ALG10: variants seen among roughly 807,000 people sequenced by gnomAD.
The protein encoded by ALG10 is dol-P-Glc:Glc(2)Man(9)GlcNAc(2)-PP-Dol alpha-1,2-glucosyltransferase A.
A neutral mutation model predicts 39.2 loss-of-function variants in ALG10; 25 were observed. That is an observed-to-expected ratio of 0.64 (90% CI 0.46 to 0.89). The LOEUF is 0.89. ALG10 is among the 40% of genes least tolerant of loss of function. The pLI, the probability that ALG10 is intolerant of heterozygous loss-of-function variation, is 0.00. For synonymous variants in ALG10, 184 were observed against 193.9 expected, an observed-to-expected ratio of 0.95 and a Z score of 0.42; for missense variants, 486 against 546.6, an observed-to-expected ratio of 0.89 and a Z score of 1.11.
rs144561704 is a variant in ALG10, at chr12:34,025,378, A to G, written c.370-485A>G. On this transcript the variant is annotated intron_variant, in intron 2 of 2. Transcript: ENST00000266483. ...TCATCTTGAAAAAGTAAGTCTGGGT[A>G]TGGTAGTATACCATATGCATGTTTA... 6.4e-3 allele frequency among the ~76,000 whole-genome samples: 978 copies of G among 152,312 alleles called. 9 individuals carry two copies. Among genetic ancestry groups the G allele is most frequent in the African/African-American group, 0.022 (919 of 41,574 alleles).
rs1942788339 is a variant in ALG10 at position 34,022,548 on chromosome 12, G to A, written c.-52G>A. Reference sequence around the variant, plus strand: ...CCCAAGTTTCCAGCTCGGGTTTCCAGGCTCAGAATTTTCCAGGAGTAGGTT... The same window carrying A: ...CCCAAGTTTCCAGCTCGGGTTTCCAAGCTCAGAATTTTCCAGGAGTAGGTT... On this transcript the variant is annotated 5_prime_UTR_variant, in exon 1 of 3. Transcript: ENST00000266483. 6.2e-7 allele frequency: 1 copy of A among 1,613,574 alleles called. No homozygotes were observed. Among genetic ancestry groups the A allele is most frequent in the Non-Finnish European group, 8.5e-7 (1 of 1,179,806 alleles).
At position 34,024,277 on chromosome 12, in the gene ALG10, G is replaced by A. The variant is rs545028436; in HGVS notation, c.369+118G>A. ...TAACACTTTGTAACTTTGTATTTTT[G>A]TATATTATGTAAAGGTAAATTTAAA... On this transcript the variant is annotated intron_variant, in intron 2 of 2. Coordinates refer to ENST00000266483, the MANE Select transcript of ALG10 (RefSeq NM_032834.4). 11 of 1,218,386 alleles carry A rather than the reference G, an allele frequency of 9.0e-6. No individual in the cohort carries two copies. In the East Asian group the frequency reaches 2.7e-4, roughly 30 times the overall value. 75.5% of individuals were successfully genotyped at this position (1,218,386 alleles called of 1,614,324 possible). A position where few individuals can be genotyped will look rare whatever the true frequency, so the allele number is the denominator to read the frequency against.
chr12:34,025,649 A>G (rs536508192), intron 2 of ALG10, among the ~76,000 whole-genome samples: 1 of 152,324 alleles, frequency 6.6e-6, no homozygotes, highest in East Asian at 1.9e-4. Flanking sequence ...CATGGTCTCC[A>G]AACTGATAGG....
In ALG10 at chr12:34,022,523, C is replaced by T. The variant is rs898469668; in HGVS notation, c.-77C>T. On this transcript the variant is annotated 5_prime_UTR_variant, in exon 1 of 3. Coordinates refer to ENST00000266483, the MANE Select transcript of ALG10 (RefSeq NM_032834.4). Reference sequence around the variant, plus strand: ...TCCCGCCTAGCGCGCCCATTTCGAGCCCAAGTTTCCAGCTCGGGTTTCCAG... The same window carrying T: ...TCCCGCCTAGCGCGCCCATTTCGAGTCCAAGTTTCCAGCTCGGGTTTCCAG... 100 of 1,611,944 alleles carry T rather than the reference C, an allele frequency of 6.2e-5. No homozygotes were observed. Among genetic ancestry groups the T allele is most frequent in the Non-Finnish European group, 8.3e-5 (98 of 1,179,062 alleles).
intron 1 of ALG10, 97 bp downstream of exon 1, chr12:34,022,867 C>T (rs1032050788): frequency 1.3e-6 from 2 of 1,533,796 alleles, no homozygotes; most frequent in African/African-American, 1.4e-5. Context: ...CCTGTTCCAC[C>T]CCCTCAAGCC....
chr12:34,026,945 G>A lies in ALG10; in HGVS notation c.*30G>A. On this transcript the variant is annotated 3_prime_UTR_variant, in exon 3 of 3. Coordinates refer to ENST00000266483, the MANE Select transcript of ALG10 (RefSeq NM_032834.4). ...AGTGATATTTCGAACTGTGAAAATG[G>A]ACTTAATAATTAGACCATTTCTACA... The A allele has an allele frequency of 6.2e-7, 1 of 1,604,882 alleles. No individual in the cohort carries two copies. The highest frequency in any genetic ancestry group is 1.1e-5 in the South Asian group (1 of 89,630).
In ALG10 at chr12:34,027,890, T is replaced by G. The variant is rs1450769939; in HGVS notation, c.*975T>G. The G allele has an allele frequency of 6.6e-6, 1 of 152,214 alleles. No homozygotes were observed. Among genetic ancestry groups the G allele is most frequent in the Non-Finnish European group, 1.5e-5 (1 of 68,044 alleles). 9.4% of individuals were successfully genotyped at this position (152,214 alleles called of 1,614,324 possible). On this transcript the variant is annotated 3_prime_UTR_variant, in exon 3 of 3. Transcript: ENST00000266483. Reference sequence around the variant, plus strand: ...TTCTGGACAAATCTTGTCCAAGTATTGCAGACAGCAATCTTCACTCCAGTC... The same window carrying G: ...TTCTGGACAAATCTTGTCCAAGTATGGCAGACAGCAATCTTCACTCCAGTC...
rs1208746091 is a variant in ALG10 at position 34,024,119 on chromosome 12, T to A, written c.329T>A (p.Leu110Ter). Residue 110 changes from leucine (L) to a stop codon, truncating the protein, a stop_gained, in exon 2 of 3, where the codon TTA becomes TAA. Coordinates refer to ENST00000266483, the MANE Select transcript of ALG10 (RefSeq NM_032834.4). LOFTEE classifies it high-confidence loss of function. Reference sequence around the variant, plus strand: ...CTCTTCAGTGTTGGCAACTTCTATTTACTATATTTGCTTTTCTGCAAGGTA... The same window carrying A: ...CTCTTCAGTGTTGGCAACTTCTATTAACTATATTTGCTTTTCTGCAAGGTA... ...NLLFSVGNFY[L>*]LYLLFCKVQP... 2 of 1,614,062 alleles carry A rather than the reference T, an allele frequency of 1.2e-6. No individual in the cohort carries two copies.
rs73090018 is a variant in ALG10 at position 34,023,088 on chromosome 12, T to C, written c.171+318T>C. 3,114 of 316,996 alleles carry C rather than the reference T, an allele frequency of 9.8e-3. 80 individuals are homozygous for C. Among genetic ancestry groups the C allele is most frequent in the African/African-American group, 0.051 (2,411 of 46,828 alleles). The allele number at this position is 316,996 out of a possible 1,614,324, so 19.6% of individuals were successfully genotyped here. On this transcript the variant is annotated intron_variant, in intron 1 of 2. Transcript: ENST00000266483. ...TGTTTTAGGATTAAAGGCATTCGGG[T>C]GCTCCTTGGAAATACCAGAAAACTT... is the stretch of plus-strand genomic sequence containing the variant.
intron 2 of ALG10, 64 bp from the exon 3 acceptor site, chr12:34,025,799 G>A (rs1191623287): frequency 1.0e-5 from 16 of 1,538,358 alleles, no homozygotes; most frequent in South Asian, 1.1e-5. Flanking sequence ...TTCTTCATTA[G>A]GTAAGCAGAA....
In ALG10 at chr12:34,027,723, A is replaced by G. The variant is rs1321113144; in HGVS notation, c.*808A>G. On this transcript the variant is annotated 3_prime_UTR_variant, in exon 3 of 3. Coordinates refer to ENST00000266483, the MANE Select transcript of ALG10 (RefSeq NM_032834.4). ...GGGTGCTTACAACAATTTTCCTCACAGTCTGGAGGCCAGAAGTCTAAAATC... is the reference window on the plus strand; with the variant it reads ...GGGTGCTTACAACAATTTTCCTCACGGTCTGGAGGCCAGAAGTCTAAAATC... 2 of 152,176 alleles carry G rather than the reference A, an allele frequency of 1.3e-5. No homozygotes were observed. The highest frequency in any genetic ancestry group is 2.9e-5 in the Non-Finnish European group (2 of 68,016). The allele number at this position is 152,176 out of a possible 1,614,324, so 9.4% of individuals were successfully genotyped here.
At position 34,024,023 on chromosome 12, in the gene ALG10, C is replaced by G. The variant is rs780921359; in HGVS notation, c.233C>G (p.Pro78Arg). 1.9e-6 allele frequency: 3 copies of G among 1,614,148 alleles called. No individual in the cohort carries two copies. The South Asian group carries it at 3.3e-5, about 18-fold the overall frequency. Residue 78 changes from proline (P) to arginine (R), a missense_variant, in exon 2 of 3, where the codon CCT becomes CGT. Pro to Arg is a moderately radical substitution (Grantham distance 103). Coordinates refer to ENST00000266483, the MANE Select transcript of ALG10 (RefSeq NM_032834.4). ...CTGGTGTCAATTGGAGTGATCAAAC[C>G]TGCCATTTGGATCTTTGGATGGTCT... ...LYLVSIGVIK[P>R]AIWIFGWSEH...
In ALG10 at chr12:34,024,011, G is replaced by C. The variant is rs753988338; in HGVS notation, c.221G>C (p.Gly74Ala). 1 of 1,614,104 alleles carries C rather than the reference G, an allele frequency of 6.2e-7. No individual in the cohort carries two copies. The highest frequency in any genetic ancestry group is 8.5e-7 in the Non-Finnish European group (1 of 1,180,016). Residue 74 changes from glycine (G) to alanine (A), a missense_variant, in exon 2 of 3, where the codon GGA becomes GCA. By Grantham distance (60) the Gly-to-Ala change is moderately conservative. Coordinates refer to ENST00000266483, the MANE Select transcript of ALG10 (RefSeq NM_032834.4). Reference protein sequence around the residue: ...TLPGLYLVSIGVIKPAIWIFG... With the variant: ...TLPGLYLVSIAVIKPAIWIFG... ...CCTGGCTTGTACCTGGTGTCAATTG[G>C]AGTGATCAAACCTGCCATTTGGATC...
chr12:34,023,665 A>G (rs573907086), intron 1 of ALG10: 2 of 406,780 alleles, frequency 4.9e-6, no homozygotes, highest in Non-Finnish European at 9.2e-6. Flanking sequence ...AAACTGGAAC[A>G]TTTGCAGTTT....
In ALG10 at chr12:34,024,165, T is replaced by C. The variant is rs1223470257; in HGVS notation, c.369+6T>C. On this transcript the variant is annotated splice_donor_region_variant and intron_variant, in intron 2 of 2. Coordinates refer to ENST00000266483, the MANE Select transcript of ALG10 (RefSeq NM_032834.4). ...AGGTACAACCCAGAAACAAGGTATG[T>C]TTCAAAATACTTAATTACAAGTTTA... 1 of 1,613,586 alleles carries C rather than the reference T, an allele frequency of 6.2e-7. No homozygotes were observed. The highest frequency in any genetic ancestry group is 8.5e-7 in the Non-Finnish European group (1 of 1,179,668).
chr12:34,024,033 G>T lies in ALG10; in HGVS notation c.243G>T (p.Trp81Cys). 6.2e-7 allele frequency: 1 copy of T among 1,614,134 alleles called. No individual in the cohort carries two copies. The highest frequency in any genetic ancestry group is 1.3e-5 in the African/African-American group (1 of 75,042). The change falls in exon 2 of 3, where the codon TGG becomes TGT. Residue 81 changes from tryptophan (W) to cysteine (C), a missense_variant. Coordinates refer to ENST00000266483, the MANE Select transcript of ALG10 (RefSeq NM_032834.4). ...VSIGVIKPAI[W>C]IFGWSEHVVC... ...TTGGAGTGATCAAACCTGCCATTTG[G>T]ATCTTTGGATGGTCTGAACATGTTG...
upstream of ALG10, chr12:34,022,432 C>A (rs1407866974): frequency 9.2e-7 from 1 of 1,087,518 alleles, no homozygotes; most frequent in Non-Finnish European, 1.4e-6. Flanking sequence ...AACAGCGACC[C>A]GATCTTTCCG....
chr12:34,022,525 C>G lies in ALG10; in HGVS notation c.-75C>G, dbSNP rs144920895. 11 of 1,612,502 alleles carry G rather than the reference C, an allele frequency of 6.8e-6. No homozygotes were observed. The highest frequency in any genetic ancestry group is 9.3e-6 in the Non-Finnish European group (11 of 1,179,342). On this transcript the variant is annotated 5_prime_UTR_variant, in exon 1 of 3. Coordinates refer to ENST00000266483, the MANE Select transcript of ALG10 (RefSeq NM_032834.4). Reference sequence around the variant, plus strand: ...CCGCCTAGCGCGCCCATTTCGAGCCCAAGTTTCCAGCTCGGGTTTCCAGGC... The same window carrying G: ...CCGCCTAGCGCGCCCATTTCGAGCCGAAGTTTCCAGCTCGGGTTTCCAGGC...
At chr12:34,022,962 C>T (rs1942794818) in intron 1 of ALG10, 192 bp downstream of exon 1, 9 of 805,392 alleles carry the variant, frequency 1.1e-5, no homozygotes, top group African/African-American at 1.7e-5. Context: ...GAATAAACAG[C>T]AGATCTGTCC....
Sources: gnomAD v4.1 joint callset for allele counts (sites outside exome capture counted in the v4.1 genomes callset) on GRCh38, gnomAD v4.1.1 for gene constraint, MANE v1.5 for transcripts, NCBI Gene and HGNC (gene_info 2026-07-23, HGNC 2026-07-21) for gene names.